The following C11orf91 variants were observed in gnomAD, a reference collection of about 807,000 sequenced individuals.
The protein encoded by C11orf91 is chromosome 11 open reading frame 91.
C11orf91 carries 10 observed loss-of-function variants against 14.3 expected under a neutral mutation model. The ratio of observed to expected loss-of-function variants is 0.70; its 90% CI spans 0.43 to 1.18. The LOEUF (loss-of-function observed/expected upper bound fraction) is 1.18, where lower values mean the gene tolerates loss of function less well. Ranked by LOEUF, C11orf91 falls within the 50% of genes most tolerant of loss-of-function variation. C11orf91 has a pLI of 0.00. For synonymous variants in C11orf91, 141 were observed against 130.6 expected (o/e 1.08, Z -0.54); for missense variants, 236 against 269.0 (o/e 0.88, Z 0.86).
chr11:33,699,446 T>C (rs2133496908), intron 1 of C11orf91: 1 of 420,238 alleles, frequency 2.4e-6, no homozygotes, highest in Non-Finnish European at 4.8e-6. Context: ...AAACAAGTGA[T>C]GGGAAAGACA....
chr11:33,698,774 A>ATTTTTTT lies in C11orf91; in HGVS notation c.497-267_497-261dup, dbSNP rs55712821. On this transcript the variant is annotated intron_variant, in intron 1 of 1. Coordinates refer to ENST00000379011, the MANE Select transcript of C11orf91 (RefSeq NM_001166692.2). ...AAGTCCTGGATTTCTTCTTCTTCTA[A>ATTTTTTT]TTTTTTTTTTTTTTTTTTTTTTTTG... 1.2e-4 allele frequency among the ~76,000 whole-genome samples: 13 copies of ATTTTTTT among 104,604 alleles called. 1 individual carries two copies. Among genetic ancestry groups the ATTTTTTT allele is most frequent in the Non-Finnish European group, 1.3e-4 (7 of 54,556 alleles). The allele number at this position is 104,604 out of a possible 152,430, so 68.6% of individuals were successfully genotyped here.
chr11:33,700,167 T>A, intron 1 of C11orf91, 78 bp downstream of exon 1: 1 of 1,430,634 alleles, frequency 7.0e-7, no homozygotes, highest in South Asian at 1.4e-5. Context: ...AGGCTACATT[T>A]CGGGTCGGGG....
chr11:33,698,748 T>A (rs2133496136), intron 1 of C11orf91, among the ~76,000 whole-genome samples: 1 of 151,176 alleles, frequency 6.6e-6, no homozygotes, highest in Admixed American at 6.6e-5. Context: ...TCAGAGTTGC[T>A]AAGTCCTGGA....
chr11:33,700,393 A>G lies in C11orf91; in HGVS notation c.348T>C (p.Pro116=). ...GGACCAGGGGCGAGGCAACCACCTCAGGCCCCGGCGGCGGTGAGTAGAAGA... is the reference window on the plus strand; with the variant it reads ...GGACCAGGGGCGAGGCAACCACCTCGGGCCCCGGCGGCGGTGAGTAGAAGA... The part of the protein sequence containing the change: ...LRFFYSPPPG[P]EVVASPLVPC... Residue 116 remains proline (P), a synonymous_variant, in exon 1 of 2, where the codon CCT becomes CCC. Transcript: ENST00000379011. 6.5e-7 allele frequency: 1 copy of G among 1,531,702 alleles called. No homozygotes were observed. The highest frequency in any genetic ancestry group is 8.7e-7 in the Non-Finnish European group (1 of 1,144,936). The allele number at this position is 1,531,702 out of a possible 1,614,324, so 94.9% of individuals were successfully genotyped here.
rs1853097336 is a variant in C11orf91, at chr11:33,700,220, C to T, written c.496+25G>A. On this transcript the variant is annotated intron_variant, in intron 1 of 1. Transcript: ENST00000379011. ...AGCTAGGGCAGGCTAAGGCTGGGCT[C>T]GGTGGCCCTGGCGAGGTCACGCACA... 3.9e-6 allele frequency: 6 copies of T among 1,522,518 alleles called. No homozygotes were observed. The South Asian group carries it at 6.0e-5, about 15-fold the overall frequency. The allele number at this position is 1,522,518 out of a possible 1,614,324, so 94.3% of individuals were successfully genotyped here. A position where few individuals can be genotyped will look rare whatever the true frequency, so the allele number is the denominator to read the frequency against.
chr11:33,698,616 A>G (rs1337804900), intron 1 of C11orf91, 102 bp from the exon 2 acceptor site: 2 of 784,624 alleles, frequency 2.5e-6, no homozygotes, highest in Non-Finnish European at 4.2e-6. Flanking sequence ...CTCGACCCTA[A>G]AACTCCATTT....
At chr11:33,699,118 T>C (rs1020699952) in intron 1 of C11orf91, among the ~76,000 whole-genome samples, 4 of 151,864 alleles carry the variant, frequency 2.6e-5, no homozygotes, top group Admixed American at 2.6e-4. Flanking sequence ...TTCTTAACTA[T>C]GTATTCGGTT....
intron 1 of C11orf91, 75 bp downstream of exon 1, chr11:33,700,170 G>C: frequency 6.9e-7 from 1 of 1,441,800 alleles, no homozygotes; most frequent in Non-Finnish European, 9.2e-7. Flanking sequence ...CTACATTTCG[G>C]GTCGGGGCAC....
Position 33,700,574 on chromosome 11 carries a change from A to G in C11orf91, c.167T>C (p.Val56Ala). The G allele has an allele frequency of 7.1e-7, 1 of 1,417,048 alleles. No homozygotes were observed. Among genetic ancestry groups the G allele is most frequent in the Non-Finnish European group, 9.2e-7 (1 of 1,085,868 alleles). 87.8% of individuals were successfully genotyped at this position (1,417,048 alleles called of 1,614,324 possible). ...GGACCGGGCCCCCGCCGCCCCGCCCACTGGCGCCCCGCCCGCCTTCAGCGG... is the reference window on the plus strand; with the variant it reads ...GGACCGGGCCCCCGCCGCCCCGCCCGCTGGCGCCCCGCCCGCCTTCAGCGG... Reference protein sequence around the residue: ...FVPLKAGGAPVGGAAGARSLS... With the variant: ...FVPLKAGGAPAGGAAGARSLS... The change falls in exon 1 of 2, where the codon GTG becomes GCG. Residue 56 changes from valine to alanine, a missense_variant. Physicochemically the swap from Val to Ala is moderately conservative, Grantham distance 64. Transcript: ENST00000379011.
At chr11:33,705,274 C>T (rs1412224576), upstream of C11orf91, 1 of 152,214 alleles carries the variant, frequency 6.6e-6, no homozygotes. Context: ...TTTCTGTCCA[C>T]AAGCAACAGA....
intron 1 of C11orf91, among the ~76,000 whole-genome samples, chr11:33,699,186 A>G (rs1853080594): frequency 6.6e-6 from 1 of 152,198 alleles, no homozygotes; most frequent in African/African-American, 2.4e-5. Flanking sequence ...TAAGAAATCC[A>G]GGACTTAGCA....
At chr11:33,700,872 C>T, upstream of C11orf91, 1 of 875,164 alleles carries the variant, frequency 1.1e-6, no homozygotes, top group Non-Finnish European at 1.5e-6. Context: ...CGCCTCAGCC[C>T]GGCCCCTAAC....
chr11:33,701,754 AGTGT>A (rs35903408), upstream of C11orf91, among the ~76,000 whole-genome samples: 182 of 148,662 alleles, frequency 1.2e-3, no homozygotes, highest in East Asian at 2.4e-3. Flanking sequence ...CACAGTGCAA[AGTGT>A]GTGTGTGTGT....
chr11:33,703,157 A>T (rs1459523780), upstream of C11orf91: 1 of 152,230 alleles, frequency 6.6e-6, no homozygotes, highest in Non-Finnish European at 1.5e-5. Flanking sequence ...TGGATGGCTT[A>T]ATTATAACAT....
chr11:33,702,431 G>A (rs974283308), upstream of C11orf91, among the ~76,000 whole-genome samples: 1 of 151,864 alleles, frequency 6.6e-6, no homozygotes, highest in Non-Finnish European at 1.5e-5. Flanking sequence ...CTCCAGCCTG[G>A]GTGACAAGGC....
At chr11:33,699,578 G>T in intron 1 of C11orf91, 1 of 456,314 alleles carries the variant, frequency 2.2e-6, no homozygotes, top group Non-Finnish European at 4.4e-6. Context: ...CGTAGGCTGA[G>T]GGATCCTGCC....
intron 1 of C11orf91, 99 bp downstream of exon 1, chr11:33,700,146 G>A: frequency 1.5e-6 from 2 of 1,313,500 alleles, no homozygotes; most frequent in Non-Finnish European, 1.0e-6. Context: ...ACTGGGGGCT[G>A]GAGTCAAACC....
upstream of C11orf91, chr11:33,704,207 G>T (rs1853216427): frequency 6.6e-6 from 1 of 151,218 alleles, no homozygotes. Context: ...GCCTGAATCT[G>T]GGACTCTCTG....
At chr11:33,698,697 G>C (rs150735832) in intron 1 of C11orf91, among the ~76,000 whole-genome samples, 183 bp from the exon 2 acceptor site, 353 of 151,706 alleles carry the variant, frequency 2.3e-3, no homozygotes, top group Non-Finnish European at 4.0e-3. Flanking sequence ...AACTGGTTCT[G>C]ACTGTACATG....
Sources: gnomAD v4.1 joint callset for allele counts (sites outside exome capture counted in the v4.1 genomes callset) on GRCh38, gnomAD v4.1.1 for gene constraint, MANE v1.5 for transcripts, NCBI Gene and HGNC (gene_info 2026-07-23, HGNC 2026-07-21) for gene names.